Variants in ZNF282 observed in about 807,000 individuals in gnomAD.
ZNF282 encodes the protein HTLV-I U5 repressive element-binding protein 1.
A neutral mutation model predicts 61.9 loss-of-function variants in ZNF282; 30 were observed. The observed-to-expected ratio is 0.48, with a 90% CI of 0.36 to 0.66. ZNF282 has a LOEUF of 0.66. Among genes scored for constraint, ZNF282 ranks in the 30% least tolerant of loss-of-function variants. ZNF282 has a pLI of 0.00. For missense variants in ZNF282, 788 were observed against 941.4 expected (o/e 0.84, Z 2.13); for synonymous variants, 396 against 405.0 (o/e 0.98, Z 0.27).
intron 7 of ZNF282, among the ~76,000 whole-genome samples, chr7:149,220,606 A>G (rs73479906): frequency 0.019 from 2,897 of 152,134 alleles, 101 homozygotes; most frequent in African/African-American, 0.064. Flanking sequence ...AGCTGTCCCA[A>G]GCGTCGCATC....
chr7:149,216,789 A>G (rs957032015), intron 7 of ZNF282, among the ~76,000 whole-genome samples: 1 of 152,222 alleles, frequency 6.6e-6, no homozygotes, highest in Non-Finnish European at 1.5e-5. Context: ...GATATGTAAG[A>G]GGGAAATAAC....
rs1795849836 is a variant in ZNF282 at position 149,198,235 on chromosome 7, A to T, written c.166-98A>T. 6 of 1,405,666 alleles carry T rather than the reference A, an allele frequency of 4.3e-6. No individual in the cohort carries two copies. Among genetic ancestry groups the T allele is most frequent in the Non-Finnish European group, 5.8e-6 (6 of 1,036,036 alleles). The allele number at this position is 1,405,666 out of a possible 1,614,324, so 87.1% of individuals were successfully genotyped here. ...ACGGGGGCCTGGCAGAAGAAAGACGACATGTAGCATCTGATTAGTTGACCC... is the reference window on the plus strand; with the variant it reads ...ACGGGGGCCTGGCAGAAGAAAGACGTCATGTAGCATCTGATTAGTTGACCC... On this transcript the variant is annotated intron_variant, in intron 1 of 7. Transcript: ENST00000610704. This position sits in a 1 kb window ranked among gnomAD's most constrained non-coding sequence, Gnocchi z 4.3.
At chr7:149,210,812 G>A in intron 5 of ZNF282, 108 bp downstream of exon 5, 1 of 1,414,798 alleles carries the variant, frequency 7.1e-7, no homozygotes. Flanking sequence ...AGGCCAGAGG[G>A]CTGAGCTCGA....
In ZNF282 at chr7:149,224,939, C is replaced by T. The variant is rs1201281942; in HGVS notation, c.*292C>T. On this transcript the variant is annotated 3_prime_UTR_variant, in exon 8 of 8. Transcript: ENST00000610704. ...CCTCGAGTGCCCTGGGACCACTGGG[C>T]CACAGATGGTCATCAGGGGAAGCCA... is the stretch of plus-strand genomic sequence containing the variant. 1 of 421,156 alleles carries T rather than the reference C, an allele frequency of 2.4e-6. No individual in the cohort carries two copies. The highest frequency in any genetic ancestry group is 2.0e-5 in the African/African-American group (1 of 50,072). The allele number at this position is 421,156 out of a possible 1,614,324, so 26.1% of individuals were successfully genotyped here.
At chr7:149,219,376 A>C (rs755113710) in intron 7 of ZNF282, among the ~76,000 whole-genome samples, 3 of 152,320 alleles carry the variant, frequency 2.0e-5, no homozygotes, top group Middle Eastern at 3.4e-3. Context: ...AATTAAAGAG[A>C]TCTTAGCTCT....
At chr7:149,204,205 T>C (rs1466712482) in intron 2 of ZNF282, among the ~76,000 whole-genome samples, 2 of 152,110 alleles carry the variant, frequency 1.3e-5, no homozygotes, top group Non-Finnish European at 2.9e-5. Flanking sequence ...GGCAACATAA[T>C]TACGGGAACC....
intron 4 of ZNF282, among the ~76,000 whole-genome samples, chr7:149,210,124 A>G (rs146132956): frequency 2.4e-3 from 359 of 152,074 alleles, no homozygotes; most frequent in African/African-American, 8.4e-3. Flanking sequence ...CTCACAAATC[A>G]TATATATACA....
intron 2 of ZNF282, among the ~76,000 whole-genome samples, chr7:149,206,197 T>C (rs1488304405): frequency 1.3e-5 from 2 of 152,208 alleles, no homozygotes; most frequent in African/African-American, 2.4e-5. Flanking sequence ...ATGATCAAGA[T>C]AGGGTAGTGA....
At chr7:149,215,148 G>C (rs563964894) in intron 7 of ZNF282, among the ~76,000 whole-genome samples, 80 of 151,230 alleles carry the variant, frequency 5.3e-4, no homozygotes, top group African/African-American at 1.8e-3. Flanking sequence ...CTGGTCAAAG[G>C]CTTAACAGAA....
chr7:149,202,753 A>G (rs900934561), intron 2 of ZNF282, among the ~76,000 whole-genome samples: 13 of 152,074 alleles, frequency 8.5e-5, no homozygotes, highest in Admixed American at 3.9e-4. Flanking sequence ...ACCTGGCCTT[A>G]TGATATTATT....
intron 5 of ZNF282, among the ~76,000 whole-genome samples, chr7:149,211,659 A>G (rs187372690): frequency 1.4e-3 from 207 of 152,290 alleles, no homozygotes; most frequent in Non-Finnish European, 1.4e-3. Flanking sequence ...GTAGCCCTTT[A>G]CTTATCCACA....
Position 149,210,715 on chromosome 7 carries a change from C to G in ZNF282, c.952+11C>G. ...CGGAATCCATTACCGGTGAGTGAGC[C>G]AAGCAGCCGTCCACACCAGGGAGGG... On this transcript the variant is annotated intron_variant, in intron 5 of 7. Coordinates refer to ENST00000610704, the MANE Select transcript of ZNF282 (RefSeq NM_003575.4). 1 of 1,575,000 alleles carries G rather than the reference C, an allele frequency of 6.3e-7. No individual in the cohort carries two copies.
At position 149,224,913 on chromosome 7, in the gene ZNF282, T is replaced by C. The variant is rs11547159; in HGVS notation, c.*266T>C. The C allele has an allele frequency of 0.13, 65,491 of 513,906 alleles. 4,628 individuals are homozygous for C. The highest frequency in any genetic ancestry group is 0.14 in the Non-Finnish European group (40,955 of 299,188). The allele number at this position is 513,906 out of a possible 1,614,324, so 31.8% of individuals were successfully genotyped here. ...CGTCCTCGGGCACCGCCCTCACACC[T>C]CCTCGAGTGCCCTGGGACCACTGGG... On this transcript the variant is annotated 3_prime_UTR_variant, in exon 8 of 8. Transcript: ENST00000610704.
chr7:149,210,109 C>A (rs1123992), intron 4 of ZNF282, among the ~76,000 whole-genome samples: 3 of 151,838 alleles, frequency 2.0e-5, no homozygotes, highest in Non-Finnish European at 2.9e-5. Context: ...TGCCCATCCC[C>A]GCTTCTCACA....
chr7:149,215,797 C>T lies in ZNF282; in HGVS notation c.1180+1983C>T, dbSNP rs890899253. 7.2e-5 allele frequency among the ~76,000 whole-genome samples: 11 copies of T among 152,366 alleles called. 1 individual carries two copies. Among genetic ancestry groups the T allele is most frequent in the Admixed American group, 7.2e-4 (11 of 15,310 alleles). On this transcript the variant is annotated intron_variant, in intron 7 of 7. Coordinates refer to ENST00000610704, the MANE Select transcript of ZNF282 (RefSeq NM_003575.4). ...CACCGGAAGAAAGCCAACTCCATCT[C>T]TTCCTCCACAGCTGGTAGGCTACCA...
chr7:149,206,717 A>G lies in ZNF282; in HGVS notation c.607A>G (p.Ile203Val), dbSNP rs772310100. ...APKVPVTFVDIAVYFSEDEWK... is the reference protein window; with the variant it reads ...APKVPVTFVDVAVYFSEDEWK... ...TTAGGTTCCAGTGACTTTTGTCGACATTGCTGTGTACTTCTCCGAAGACGA... is the reference window on the plus strand; with the variant it reads ...TTAGGTTCCAGTGACTTTTGTCGACGTTGCTGTGTACTTCTCCGAAGACGA... Residue 203 changes from isoleucine to valine, a missense_variant, in exon 3 of 8, where the codon ATT becomes GTT. By Grantham distance (29) the Ile-to-Val change is conservative (BLOSUM62 3). Around this residue, in one of 3 missense-constraint regions of ZNF282, gnomAD observed 92 missense variants for 163.9 expected, o/e 0.56. Transcript: ENST00000610704. The G allele has an allele frequency of 2.6e-5, 42 of 1,614,034 alleles. No homozygotes were observed. Among genetic ancestry groups the G allele is most frequent in the Non-Finnish European group, 3.5e-5 (41 of 1,180,036 alleles).
Position 149,224,640 on chromosome 7 carries a change from G to T in ZNF282, c.2009G>T (p.Arg670Leu). Reference protein sequence around the residue: ...APRQLPPPPERD With the variant: ...APRQLPPPPELD ...CGGCAGCTCCCGCCGCCTCCTGAGC[G>T]AGACTAGGGCTGGGCTGGGGGAGGG... Residue 670 changes from arginine to leucine, a missense_variant, in exon 8 of 8, where the codon CGA (arginine) becomes CTA (leucine). Transcript: ENST00000610704. 6.6e-7 allele frequency: 1 copy of T among 1,520,686 alleles called. No homozygotes were observed. The allele number at this position is 1,520,686 out of a possible 1,614,324, so 94.2% of individuals were successfully genotyped here.
intron 2 of ZNF282, among the ~76,000 whole-genome samples, chr7:149,202,353 C>G: frequency 6.6e-6 from 1 of 151,270 alleles, no homozygotes; most frequent in Non-Finnish European, 1.5e-5. Flanking sequence ...GCTCTATTGC[C>G]CAAGCTGGAG....
Position 149,207,417 on chromosome 7 carries a change from T to C in ZNF282, c.779T>C (p.Val260Ala). Reference protein sequence around the residue: ...VQAEPREEPCVWEQRHPEERE... With the variant: ...VQAEPREEPCAWEQRHPEERE... ...GCTGAGCCCAGGGAAGAACCTTGTGTGTGGGAGCAGCGCCACCCCGAAGAG... is the reference window on the plus strand; with the variant it reads ...GCTGAGCCCAGGGAAGAACCTTGTGCGTGGGAGCAGCGCCACCCCGAAGAG... The change falls in exon 4 of 8, where the codon GTG becomes GCG. Residue 260 changes from valine to alanine, a missense_variant. By Grantham distance (64) the Val-to-Ala change is moderately conservative. Transcript: ENST00000610704. 1.3e-6 allele frequency: 2 copies of C among 1,573,386 alleles called. No homozygotes were observed. Among genetic ancestry groups the C allele is most frequent in the South Asian group, 2.3e-5 (2 of 86,100 alleles).
Sources: allele counts gnomAD v4.1 joint callset (sites outside exome capture counted in the v4.1 genomes callset), GRCh38; gene constraint gnomAD v4.1.1; regional missense constraint gnomAD v4.1.1; non-coding constraint Gnocchi (gnomAD v3.1); transcripts MANE v1.5; gene names NCBI Gene and HGNC (gene_info 2026-07-23, HGNC 2026-07-21).